Variants in TBC1D8 observed in about 807,000 individuals in gnomAD.
TBC1D8 encodes TBC1 domain family member 8, also known as BUB2-like protein 1.
Under a neutral mutation model 118.8 loss-of-function variants are expected in TBC1D8, and 65 were observed. The observed-to-expected ratio is 0.55, with a 90% confidence interval of 0.45 to 0.67. TBC1D8 has a LOEUF of 0.67. Among genes scored for constraint, TBC1D8 ranks in the 30% least tolerant of loss-of-function variants. The pLI, the probability that TBC1D8 is intolerant of heterozygous loss-of-function variation, is 0.00. For missense variants in TBC1D8, 1,376 were observed against 1,471.2 expected (o/e 0.94, Z 1.06); for synonymous variants, 566 against 595.8 (o/e 0.95, Z 0.73).
At chr2:101,109,263 G>A (rs919735037) in intron 1 of TBC1D8, among the ~76,000 whole-genome samples, 1 of 152,144 alleles carries the variant, frequency 6.6e-6, no homozygotes, top group Admixed American at 6.5e-5. Context: ...AGGGCAGTGA[G>A]TGTCCCTGGC....
chr2:101,135,953 G>A (rs1455474316), intron 1 of TBC1D8, among the ~76,000 whole-genome samples: 6 of 152,086 alleles, frequency 3.9e-5, no homozygotes, highest in African/African-American at 7.2e-5. Flanking sequence ...TCTGCCTCAG[G>A]GCTCAAGTGA....
chr2:101,008,477 G>T (rs1208241881), intron 19 of TBC1D8, among the ~76,000 whole-genome samples: 6 of 152,156 alleles, frequency 3.9e-5, no homozygotes, highest in African/African-American at 1.4e-4. Context: ...GAAATGGGTA[G>T]ACCTTCCTAG....
chr2:101,129,402 C>T (rs1434794255), intron 1 of TBC1D8, among the ~76,000 whole-genome samples: 1 of 152,088 alleles, frequency 6.6e-6, no homozygotes, highest in African/African-American at 2.4e-5. Flanking sequence ...CTCGGCCTCC[C>T]AGTGTTGGGA....
intron 1 of TBC1D8, among the ~76,000 whole-genome samples, chr2:101,118,799 C>T (rs1051931636): frequency 6.6e-6 from 1 of 152,008 alleles, no homozygotes; most frequent in African/African-American, 2.4e-5. Flanking sequence ...TGAGTCCCCA[C>T]GAGTTCGAGA....
chr2:101,148,768 T>C (rs1238132769), intron 1 of TBC1D8, among the ~76,000 whole-genome samples: 2 of 152,152 alleles, frequency 1.3e-5, no homozygotes, highest in African/African-American at 4.8e-5. Flanking sequence ...CTTGCTTCCC[T>C]CCAAACAAAA....
intron 17 of TBC1D8, among the ~76,000 whole-genome samples, chr2:101,014,154 T>G (rs1236794345): frequency 6.6e-6 from 1 of 152,236 alleles, no homozygotes; most frequent in African/African-American, 2.4e-5. Context: ...CTTAGTTTTC[T>G]TTTGTTGAAA....
chr2:101,012,032 A>G (rs1158265454), intron 17 of TBC1D8, among the ~76,000 whole-genome samples: 4 of 122,366 alleles, frequency 3.3e-5, no homozygotes, highest in Non-Finnish European at 7.9e-5. Context: ...AGCCTTAGTG[A>G]ATTCAAAGCA....
chr2:101,012,986 A>G (rs1005349967), intron 17 of TBC1D8, among the ~76,000 whole-genome samples: 14 of 152,238 alleles, frequency 9.2e-5, no homozygotes, highest in African/African-American at 3.4e-4. Context: ...GTCAGGATGG[A>G]AATGGATTTC....
chr2:101,143,063 C>T (rs1573113819), intron 1 of TBC1D8, among the ~76,000 whole-genome samples: 1 of 140,018 alleles, frequency 7.1e-6, no homozygotes. Context: ...CTTTCCTTTC[C>T]TTTTTTTTTT....
chr2:101,126,286 C>T (rs57311271), intron 1 of TBC1D8, among the ~76,000 whole-genome samples: 1 of 152,316 alleles, frequency 6.6e-6, no homozygotes, highest in East Asian at 1.9e-4. Flanking sequence ...ACAACCCAAA[C>T]AGCTCCCACC....
intron 5 of TBC1D8, among the ~76,000 whole-genome samples, chr2:101,045,748 CT>C (rs1421842800): frequency 1.3e-5 from 2 of 152,160 alleles, no homozygotes; most frequent in Non-Finnish European, 2.9e-5. Flanking sequence ...CATCCCAGCG[CT>C]TTGGGAGGCC....
Position 101,059,657 on chromosome 2 carries a change from T to C in TBC1D8, c.284-118A>G, listed in dbSNP as rs1682647879. The C allele has an allele frequency of 2.6e-5, 23 of 886,648 alleles. 1 individual carries two copies. In the South Asian group the frequency reaches 3.7e-4, roughly 14 times the overall value. The allele number at this position is 886,648 out of a possible 1,614,324, so 54.9% of individuals were successfully genotyped here. A position where few individuals can be genotyped will look rare whatever the true frequency, so the allele number is the denominator to read the frequency against. On this transcript the variant is annotated intron_variant, in intron 2 of 19. Transcript: ENST00000409318. Reference sequence around the variant, plus strand: ...CATGTTGATGTTAAAACATCTGGCCTTGGCCAGGCGCAGTGGCTCACGCCT... The same window carrying C: ...CATGTTGATGTTAAAACATCTGGCCCTGGCCAGGCGCAGTGGCTCACGCCT...
intron 9 of TBC1D8, among the ~76,000 whole-genome samples, chr2:101,033,997 C>T (rs1271986355): frequency 6.6e-6 from 1 of 152,114 alleles, no homozygotes; most frequent in African/African-American, 2.4e-5. Flanking sequence ...AACCCTGTCT[C>T]TACTAAAAAT....
rs201720097 is a variant in TBC1D8, at chr2:101,027,442, C to T, written c.2461G>A (p.Val821Ile). ...GGAAGAATTGAGACTTCCGGGATAA[C>T]GACTCGAAGCTTGAGGAAAGAATAA... Reference protein sequence around the residue: ...DTTKQNVLRVVIPEVSILPED... With the variant: ...DTTKQNVLRVIIPEVSILPED... The change falls in exon 15 of 20, where the codon GTT (valine) becomes ATT (isoleucine). Residue 821 changes from valine to isoleucine, a missense_variant. Physicochemically the swap from Val to Ile is conservative, Grantham distance 29. Coordinates refer to ENST00000409318, the MANE Select transcript of TBC1D8 (RefSeq NM_001330348.2). The T allele has an allele frequency of 5.2e-5, 84 of 1,612,706 alleles. No homozygotes were observed. Among genetic ancestry groups the T allele is most frequent in the South Asian group, 4.4e-4 (40 of 91,054 alleles).
chr2:101,142,114 C>T (rs1025333075), intron 1 of TBC1D8, among the ~76,000 whole-genome samples: 2 of 152,170 alleles, frequency 1.3e-5, no homozygotes, highest in Admixed American at 1.3e-4. Context: ...GTTGCCCAGG[C>T]TGGACTTAAA....
At chr2:101,073,194 C>A (rs921073237) in intron 2 of TBC1D8, among the ~76,000 whole-genome samples, 2 of 152,170 alleles carry the variant, frequency 1.3e-5, no homozygotes, top group African/African-American at 4.8e-5. Context: ...AACTTTTCCT[C>A]TCCAGCTATA....
chr2:101,149,815 T>TCC (rs1679474003), intron 1 of TBC1D8, among the ~76,000 whole-genome samples: 1 of 151,936 alleles, frequency 6.6e-6, no homozygotes, highest in African/African-American at 2.4e-5. Context: ...CACAACTCCC[T>TCC]CCCCCAAAGC....
chr2:101,044,945 C>T (rs1350689571), intron 5 of TBC1D8, among the ~76,000 whole-genome samples: 2 of 152,054 alleles, frequency 1.3e-5, no homozygotes, highest in Non-Finnish European at 2.9e-5. Flanking sequence ...GATGGGGTTT[C>T]GCCATGTTGG....
At chr2:101,109,997 GC>G in intron 1 of TBC1D8, 3 of 985,408 alleles carry the variant, frequency 3.0e-6, no homozygotes, top group Non-Finnish European at 3.6e-6. Flanking sequence ...CTTGTCTGGC[GC>G]TACAGGAAAA....
Sources: gnomAD v4.1 joint callset for allele counts (sites outside exome capture counted in the v4.1 genomes callset) on GRCh38, gnomAD v4.1.1 for gene constraint, MANE v1.5 for transcripts, NCBI Gene and HGNC (gene_info 2026-07-23, HGNC 2026-07-21) for gene names.